The following BAG4 variants were observed in gnomAD, a reference collection of about 807,000 sequenced individuals.
BAG4 encodes BAG family molecular chaperone regulator 4.
BAG4 carries 28 observed loss-of-function variants against 52.1 expected under a neutral mutation model. The observed-to-expected ratio is 0.54, with a 90% CI of 0.40 to 0.74. The LOEUF (loss-of-function observed/expected upper bound fraction) is 0.74, where lower values mean the gene tolerates loss of function less well. Among genes scored for constraint, BAG4 ranks in the 30% least tolerant of loss-of-function variants. The probability of loss-of-function intolerance (pLI) is 0.00; values close to 1 mark genes in which losing one functional copy is unlikely to be tolerated. For missense variants in BAG4, 525 were observed against 572.0 expected (o/e 0.92, Z 0.84); for synonymous variants, 208 against 217.0 (o/e 0.96, Z 0.37).
In BAG4 at chr8:38,207,751, A is replaced by G; in HGVS notation, c.618A>G (p.Gly206=). The G allele has an allele frequency of 1.2e-6, 2 of 1,614,144 alleles. No homozygotes were observed. The highest frequency in any genetic ancestry group is 1.7e-6 in the Non-Finnish European group (2 of 1,180,014). Reference sequence around the variant, plus strand: ...CCCCTCTTAGGGGGCAGGTTCCAGGATATCCGCCTTCACAGGTGAGTTGTT... The same window carrying G: ...CCCCTCTTAGGGGGCAGGTTCCAGGGTATCCGCCTTCACAGGTGAGTTGTT... ...EAPPLRGQVP[G]YPPSQNPGMT... Residue 206 remains glycine (G), a synonymous_variant, in exon 3 of 5, where the codon GGA becomes GGG. Coordinates refer to ENST00000287322, the MANE Select transcript of BAG4 (RefSeq NM_004874.4).
At position 38,210,095 on chromosome 8, in the gene BAG4, A is replaced by T; in HGVS notation, c.976A>T (p.Thr326Ser). Reference sequence around the variant, plus strand: ...TGTCCATCAGTACGAATCCTCGGGGACAGTGAACAATGATGATTCAGATCT... The same window carrying T: ...TGTCCATCAGTACGAATCCTCGGGGTCAGTGAACAATGATGATTCAGATCT... ...CSVHQYESSG[T>S]VNNDDSDLLD... is the part of the protein sequence containing the mutation. The change falls in exon 5 of 5, where the codon ACA (threonine) becomes TCA (serine). Residue 326 changes from threonine to serine, a missense_variant. Thr to Ser is a moderately conservative substitution (Grantham distance 58). This residue lies in a region of BAG4 where 238 missense variants were observed against 305.8 expected (regional missense o/e 0.78). Transcript: ENST00000287322. The T allele has an allele frequency of 1.2e-6, 2 of 1,614,178 alleles. No individual in the cohort carries two copies. The highest frequency in any genetic ancestry group is 1.7e-6 in the Non-Finnish European group (2 of 1,180,042).
At chr8:38,199,624 AG>A (rs1803624135) in intron 2 of BAG4, among the ~76,000 whole-genome samples, 1 of 151,878 alleles carries the variant, frequency 6.6e-6, no homozygotes, top group African/African-American at 2.4e-5. Flanking sequence ...CCCAGGTTAA[AG>A]TGATTCTCCT....
At chr8:38,181,848 C>G (rs1206876929) in intron 1 of BAG4, among the ~76,000 whole-genome samples, 1 of 134,772 alleles carries the variant, frequency 7.4e-6, no homozygotes, top group Non-Finnish European at 1.5e-5. Flanking sequence ...CGAGATCATG[C>G]CACGAACTCC....
chr8:38,178,558 G>C (rs1394123017), intron 1 of BAG4, among the ~76,000 whole-genome samples: 1 of 152,198 alleles, frequency 6.6e-6, no homozygotes, highest in Non-Finnish European at 1.5e-5. Flanking sequence ...AGGACATAAC[G>C]ACTGATGCAT....
At chr8:38,207,066 C>T (rs189014651) in intron 2 of BAG4, among the ~76,000 whole-genome samples, 80 of 151,380 alleles carry the variant, frequency 5.3e-4, no homozygotes, top group African/African-American at 1.7e-3. Flanking sequence ...GATTCTCCTG[C>T]GTCAGCCCCC....
At chr8:38,181,914 AAAGG>A (rs1803280637) in intron 1 of BAG4, among the ~76,000 whole-genome samples, 1 of 143,612 alleles carries the variant, frequency 7.0e-6, no homozygotes, top group Non-Finnish European at 1.5e-5. Flanking sequence ...AAAAAAAAAA[AAAGG>A]AAGTAAGGGA....
At chr8:38,187,211 T>A (rs1159236493) in intron 1 of BAG4, among the ~76,000 whole-genome samples, 1 of 152,180 alleles carries the variant, frequency 6.6e-6, no homozygotes, top group African/African-American at 2.4e-5. Context: ...AAGAAAGGTG[T>A]GTGATAATGT....
chr8:38,183,197 A>G (rs1803303428), intron 1 of BAG4, among the ~76,000 whole-genome samples: 1 of 151,978 alleles, frequency 6.6e-6, no homozygotes, highest in African/African-American at 2.4e-5. Context: ...GGCGTCCGCC[A>G]GCAGGCCTGG....
chr8:38,203,654 T>A (rs969109282), intron 2 of BAG4, among the ~76,000 whole-genome samples: 1 of 151,790 alleles, frequency 6.6e-6, no homozygotes, highest in Non-Finnish European at 1.5e-5. Flanking sequence ...CCTACAGGGA[T>A]TTTTTGTGAG....
Position 38,210,015 on chromosome 8 carries a change from C to CA in BAG4, c.897dup (p.Tyr300IlefsTer4). 1 of 1,613,630 alleles carries CA rather than the reference C, an allele frequency of 6.2e-7. No individual in the cohort carries two copies. Among genetic ancestry groups the CA allele is most frequent in the Non-Finnish European group, 8.5e-7 (1 of 1,179,680 alleles). ...TTGCTCTCCCACTCCAAGGATTCTT[C>CA]ATACCCCTATAGCCAATCAGATCAA... On this transcript the variant is annotated frameshift_variant, in exon 5 of 5. Coordinates refer to ENST00000287322, the MANE Select transcript of BAG4 (RefSeq NM_004874.4). LOFTEE classifies it high-confidence loss of function.
intron 1 of BAG4, among the ~76,000 whole-genome samples, chr8:38,187,036 T>C (rs1383409584): frequency 6.6e-6 from 1 of 152,040 alleles, no homozygotes; most frequent in Non-Finnish European, 1.5e-5. Flanking sequence ...AACAAAGAAT[T>C]ATGAGCTATG....
rs142058587 is a variant in BAG4 at position 38,198,934 on chromosome 8, A to G, written c.378+6139A>G. ...AGACAGGTGGGAACTGTCATCTCCT[A>G]TGATAAATGCCTGGTTCTGGAATAC... On this transcript the variant is annotated intron_variant, in intron 2 of 4. Coordinates refer to ENST00000287322, the MANE Select transcript of BAG4 (RefSeq NM_004874.4). Among the ~76,000 whole-genome samples, 613 of 152,228 alleles carry G rather than the reference A, an allele frequency of 4.0e-3. 4 individuals are homozygous for G. Among genetic ancestry groups the G allele is most frequent in the Non-Finnish European group, 4.7e-3 (322 of 68,002 alleles).
chr8:38,198,871 A>G (rs749910840), intron 2 of BAG4, among the ~76,000 whole-genome samples: 5 of 152,144 alleles, frequency 3.3e-5, no homozygotes, highest in Non-Finnish European at 5.9e-5. Flanking sequence ...CAGGATCATC[A>G]GTATCACTGT....
At chr8:38,189,342 C>T (rs1459391855) in intron 1 of BAG4, among the ~76,000 whole-genome samples, 2 of 152,114 alleles carry the variant, frequency 1.3e-5, no homozygotes, top group African/African-American at 4.8e-5. Flanking sequence ...GATGCAGTTT[C>T]GGTTTCTTTG....
intron 2 of BAG4, among the ~76,000 whole-genome samples, chr8:38,194,851 T>G (rs539176590): frequency 6.1e-4 from 92 of 150,062 alleles, no homozygotes; most frequent in Middle Eastern, 3.5e-3. Context: ...TTTTTTGTTT[T>G]TTTTTTTTTT....
chr8:38,197,604 C>G (rs1803583830), intron 2 of BAG4, among the ~76,000 whole-genome samples: 1 of 152,162 alleles, frequency 6.6e-6, no homozygotes, highest in South Asian at 2.1e-4. Context: ...CTATTGTAGG[C>G]TTTATAAGCA....
At chr8:38,177,237 G>C in intron 1 of BAG4, 98 bp downstream of exon 1, 1 of 1,506,784 alleles carries the variant, frequency 6.6e-7, no homozygotes, top group Non-Finnish European at 8.9e-7. Flanking sequence ...TTATGTGGAG[G>C]AGGGTGTGTT....
At position 38,212,026 on chromosome 8, in the gene BAG4, TGAG is replaced by T. The variant is rs946194363; in HGVS notation, c.*1537_*1539del. On this transcript the variant is annotated 3_prime_UTR_variant, in exon 5 of 5. Transcript: ENST00000287322. Reference sequence around the variant, plus strand: ...ACCAAACCAAACCAATACAAACAGATGAGGAGAGGAAATGTAGTAAAAATACTG... The same window carrying T: ...ACCAAACCAAACCAATACAAACAGATGAGAGGAAATGTAGTAAAAATACTG... 1.3e-5 allele frequency: 2 copies of T among 151,970 alleles called. No individual in the cohort carries two copies. Among genetic ancestry groups the T allele is most frequent in the African/African-American group, 2.4e-5 (1 of 41,360 alleles). 9.4% of individuals were successfully genotyped at this position (151,970 alleles called of 1,614,324 possible). A position where few individuals can be genotyped will look rare whatever the true frequency, so the allele number is the denominator to read the frequency against.
intron 2 of BAG4, among the ~76,000 whole-genome samples, chr8:38,196,846 G>T (rs2130679131): frequency 6.6e-6 from 1 of 152,212 alleles, no homozygotes; most frequent in Middle Eastern, 3.4e-3. Context: ...GGAGGCCAAG[G>T]TGGGCAGATC....
Sources: gnomAD v4.1 joint callset for allele counts (sites outside exome capture counted in the v4.1 genomes callset) on GRCh38, gnomAD v4.1.1 for gene constraint, gnomAD v4.1.1 regional missense constraint, MANE v1.5 for transcripts, NCBI Gene and HGNC (gene_info 2026-07-23, HGNC 2026-07-21) for gene names.